DPP10: variants seen among roughly 807,000 people sequenced by gnomAD.
The protein encoded by DPP10 is inactive dipeptidyl peptidase 10.
A neutral mutation model predicts 120.9 loss-of-function variants in DPP10; 33 were observed. The observed-to-expected ratio is 0.27, with a 90% confidence interval of 0.21 to 0.37. The LOEUF (loss-of-function observed/expected upper bound fraction) is 0.37. DPP10 is among the 10% of genes least tolerant of loss of function. DPP10 has a pLI of 1.00. For synonymous variants in DPP10, 337 were observed against 326.1 expected (o/e 1.03, Z -0.36); for missense variants, 816 against 942.8 (o/e 0.87, Z 1.76).
In DPP10 at chr2:114,559,204, G is replaced by A. The variant is rs563770574; in HGVS notation, c.60+116366G>A. 2.0e-5 allele frequency among the ~76,000 whole-genome samples: 3 copies of A among 152,280 alleles called. No individual in the cohort carries two copies. The South Asian group carries it at 6.2e-4, about 32-fold the overall frequency. The stretch of plus-strand genomic sequence containing the variant: ...AAGGGATTTTGCAGATGTGACTCAG[G>A]TAAGGATCCTGAAATGGGGGGATTA... On this transcript the variant is annotated intron_variant, in intron 1 of 25. Transcript: ENST00000410059.
At chr2:115,247,126 A>C (rs1013153837) in intron 1 of DPP10, among the ~76,000 whole-genome samples, 1 of 152,174 alleles carries the variant, frequency 6.6e-6, no homozygotes, top group Non-Finnish European at 1.5e-5. Context: ...AGAGGAAGAC[A>C]TTTTTGTATT....
chr2:115,472,475 G>T (rs1057183460), intron 3 of DPP10, among the ~76,000 whole-genome samples: 9 of 152,056 alleles, frequency 5.9e-5, no homozygotes, highest in Admixed American at 5.2e-4. Flanking sequence ...CTATAAAAAT[G>T]AGATTTTTTT....
intron 1 of DPP10, among the ~76,000 whole-genome samples, chr2:115,292,082 A>C (rs1173577348): frequency 6.6e-6 from 1 of 152,092 alleles, no homozygotes; most frequent in Non-Finnish European, 1.5e-5. Context: ...TCTGGAAAAA[A>C]ATTATTCCAT....
At chr2:115,771,938 T>C (rs1459931580) in intron 13 of DPP10, among the ~76,000 whole-genome samples, 1 of 152,154 alleles carries the variant, frequency 6.6e-6, no homozygotes, top group Non-Finnish European at 1.5e-5. Flanking sequence ...TAGACAATTA[T>C]TGATTTCAAG....
At chr2:114,924,534 A>T (rs1002421550) in intron 1 of DPP10, among the ~76,000 whole-genome samples, 1 of 152,032 alleles carries the variant, frequency 6.6e-6, no homozygotes, top group African/African-American at 2.4e-5. Context: ...TCAAAAAAAA[A>T]AAAGAAAGAG....
Position 115,791,117 on chromosome 2 carries a change from A to G in DPP10, c.1568A>G (p.Glu523Gly). 1.9e-6 allele frequency: 3 copies of G among 1,613,556 alleles called. No individual in the cohort carries two copies. The highest frequency in any genetic ancestry group is 2.5e-6 in the Non-Finnish European group (3 of 1,179,762). The part of the protein sequence containing the change: ...FILESNSMLK[E>G]AILKKKIGKP... The stretch of plus-strand genomic sequence containing the variant: ...TTGGAAAGCAATTCTATGCTGAAGG[A>G]AGCTATCCTGAAGAAGAAGATAGGA... The change falls in exon 18 of 26, where the codon GAA becomes GGA. Residue 523 changes from glutamate to glycine, a missense_variant. Physicochemically the swap from Glu to Gly is moderately conservative, Grantham distance 98. This residue lies in a region of DPP10 where 592 missense variants were observed against 649.0 expected (regional missense o/e 0.91). Coordinates refer to ENST00000410059, the MANE Select transcript of DPP10 (RefSeq NM_020868.6).
At chr2:115,328,918 C>T (rs1030180028) in intron 2 of DPP10, among the ~76,000 whole-genome samples, 1 of 152,026 alleles carries the variant, frequency 6.6e-6, no homozygotes, top group Non-Finnish European at 1.5e-5. Flanking sequence ...AAAATATGAC[C>T]TTCTAACTCT....
intron 1 of DPP10, among the ~76,000 whole-genome samples, chr2:114,726,300 G>A (rs762375245): frequency 1.3e-5 from 2 of 151,464 alleles, no homozygotes; most frequent in Non-Finnish European, 2.9e-5. Flanking sequence ...CCAGCCATAT[G>A]GTTCAGATGA....
chr2:115,241,402 C>A (rs959130545), intron 1 of DPP10, among the ~76,000 whole-genome samples: 1 of 152,180 alleles, frequency 6.6e-6, no homozygotes, highest in Admixed American at 6.5e-5. Flanking sequence ...TATCTTCTTT[C>A]TTTACTCTTT....
At chr2:114,961,940 T>G (rs11123263) in intron 1 of DPP10, among the ~76,000 whole-genome samples, 1 of 151,852 alleles carries the variant, frequency 6.6e-6, no homozygotes, top group Admixed American at 6.6e-5. Flanking sequence ...GGCAACAGAG[T>G]TAGACTCCAT....
intron 1 of DPP10, among the ~76,000 whole-genome samples, chr2:114,741,912 T>C (rs192203313): frequency 3.9e-5 from 6 of 152,308 alleles, no homozygotes; most frequent in Admixed American, 3.9e-4. Context: ...CCTTTAGAAA[T>C]GTCAGAGAAT....
intron 5 of DPP10, among the ~76,000 whole-genome samples, chr2:115,580,631 A>G (rs1411553739): frequency 6.6e-6 from 1 of 152,042 alleles, no homozygotes; most frequent in Non-Finnish European, 1.5e-5. Context: ...CTGCTGTTCT[A>G]TCTACTGGAA....
At chr2:114,514,639 G>C (rs1020962461) in intron 1 of DPP10, among the ~76,000 whole-genome samples, 3 of 152,128 alleles carry the variant, frequency 2.0e-5, no homozygotes, top group African/African-American at 4.8e-5. Flanking sequence ...CCACCACTGA[G>C]AACTTGGGGA....
chr2:114,576,170 C>T (rs1188866131), intron 1 of DPP10, among the ~76,000 whole-genome samples: 8 of 152,178 alleles, frequency 5.3e-5, no homozygotes, highest in Admixed American at 2.6e-4. Flanking sequence ...AAATAAATGG[C>T]ACATTCAGTG....
intron 1 of DPP10, among the ~76,000 whole-genome samples, chr2:114,859,611 C>A (rs1379790612): frequency 6.6e-6 from 1 of 152,118 alleles, no homozygotes; most frequent in Non-Finnish European, 1.5e-5. Flanking sequence ...CTCACATTTT[C>A]TAAAATCAGT....
chr2:114,476,805 C>CAA, intron 1 of DPP10, among the ~76,000 whole-genome samples: 1 of 152,250 alleles, frequency 6.6e-6, no homozygotes, highest in South Asian at 2.1e-4. Flanking sequence ...CACAGATACC[C>CAA]ATGCCTGTAT....
At chr2:115,017,176 G>A (rs181869158) in intron 1 of DPP10, among the ~76,000 whole-genome samples, 370 of 151,032 alleles carry the variant, frequency 2.4e-3, no homozygotes, top group Non-Finnish European at 4.1e-3. Context: ...CCTGCACATT[G>A]TGCACATGTA....
At chr2:115,223,014 G>T (rs986190457) in intron 1 of DPP10, among the ~76,000 whole-genome samples, 4 of 152,094 alleles carry the variant, frequency 2.6e-5, no homozygotes, top group Non-Finnish European at 4.4e-5. Flanking sequence ...AATACAAATA[G>T]ATCTGGTAGC....
At chr2:115,308,767 C>T (rs907901272) in intron 1 of DPP10, among the ~76,000 whole-genome samples, 4 of 147,360 alleles carry the variant, frequency 2.7e-5, no homozygotes, top group African/African-American at 7.6e-5. Context: ...AACAAATGTG[C>T]GCTGCTCTGC....
Sources: gnomAD v4.1 joint callset for allele counts (sites outside exome capture counted in the v4.1 genomes callset) on GRCh38, gnomAD v4.1.1 for gene constraint, gnomAD v4.1.1 regional missense constraint, MANE v1.5 for transcripts, NCBI Gene and HGNC (gene_info 2026-07-23, HGNC 2026-07-21) for gene names.